Variants in CADM2 observed in about 807,000 individuals in gnomAD.
CADM2 encodes the protein cell adhesion molecule 2.
A neutral mutation model predicts 49.8 loss-of-function variants in CADM2; 12 were observed. The ratio of observed to expected loss-of-function variants is 0.24; its 90% CI spans 0.15 to 0.39. The LOEUF (loss-of-function observed/expected upper bound fraction) is 0.39. Among genes scored for constraint, CADM2 ranks in the 10% least tolerant of loss-of-function variants. The pLI is 1.00. For missense variants in CADM2, 378 were observed against 492.3 expected (o/e 0.77, Z 2.20); for synonymous variants, 214 against 175.4 (o/e 1.22, Z -1.74).
chr3:85,215,855 G>A (rs2041912938), intron 1 of CADM2, among the ~76,000 whole-genome samples: 1 of 152,062 alleles, frequency 6.6e-6, no homozygotes, highest in Non-Finnish European at 1.5e-5. Context: ...GGGCAACACT[G>A]AGTTGTGCTG....
intron 1 of CADM2, among the ~76,000 whole-genome samples, chr3:85,408,101 G>A (rs1457495499): frequency 6.6e-6 from 1 of 150,574 alleles, no homozygotes; most frequent in Admixed American, 6.6e-5. Context: ...GAATTGAAGT[G>A]TGAAACTGAA....
At chr3:85,782,978 A>G (rs145442688) in intron 2 of CADM2, among the ~76,000 whole-genome samples, 17 of 152,292 alleles carry the variant, frequency 1.1e-4, no homozygotes, top group Admixed American at 4.6e-4. Context: ...AAACAGTGCA[A>G]AACTTAAGTT....
intron 3 of CADM2, among the ~76,000 whole-genome samples, chr3:85,816,983 T>A (rs565588923): frequency 6.6e-6 from 1 of 152,334 alleles, no homozygotes; most frequent in Non-Finnish European, 1.5e-5. Flanking sequence ...TAAATAAATA[T>A]TTGTAATGTG....
intron 7 of CADM2, among the ~76,000 whole-genome samples, chr3:85,946,466 C>A (rs535698158): frequency 1.3e-5 from 2 of 151,836 alleles, no homozygotes; most frequent in African/African-American, 2.4e-5. Context: ...GAGCCCGCAT[C>A]GCCAAGTCAA....
chr3:85,474,318 G>A (rs1437371650), intron 1 of CADM2, among the ~76,000 whole-genome samples: 1 of 151,844 alleles, frequency 6.6e-6, no homozygotes, highest in African/African-American at 2.4e-5. Context: ...AGAGTCTCTT[G>A]GCGGAAGTCC....
intron 1 of CADM2, among the ~76,000 whole-genome samples, chr3:85,181,781 C>G (rs957051656): frequency 6.7e-6 from 1 of 150,314 alleles, no homozygotes; most frequent in Admixed American, 6.6e-5. Context: ...CTTATTATAC[C>G]TTATTGTTAT....
At chr3:85,506,721 T>C (rs904288081) in intron 1 of CADM2, among the ~76,000 whole-genome samples, 2 of 152,182 alleles carry the variant, frequency 1.3e-5, no homozygotes, top group African/African-American at 4.8e-5. Flanking sequence ...CTCCTCAGTC[T>C]GTTTGGCCTT....
chr3:85,812,483 A>T (rs1241304396), intron 3 of CADM2, among the ~76,000 whole-genome samples: 3 of 152,144 alleles, frequency 2.0e-5, no homozygotes, highest in Non-Finnish European at 4.4e-5. Context: ...TAGACTTTTA[A>T]TCAGGATCAG....
At chr3:85,357,036 A>T (rs1220532116) in intron 1 of CADM2, among the ~76,000 whole-genome samples, 1 of 152,094 alleles carries the variant, frequency 6.6e-6, no homozygotes, top group East Asian at 1.9e-4. Flanking sequence ...TTTATTTTTA[A>T]TTTTATATTT....
rs908904888 is a variant in CADM2, at chr3:86,071,503, A to C, written c.*4720A>C. 6.6e-6 allele frequency: 1 copy of C among 151,946 alleles called. No individual in the cohort carries two copies. The highest frequency in any genetic ancestry group is 2.4e-5 in the African/African-American group (1 of 41,454). 9.4% of individuals were successfully genotyped at this position (151,946 alleles called of 1,614,324 possible). ...TGAGATTATTAATATTGAATGCAATAGTTATTGGATATAGCTGGTAAGTTC... is the reference window on the plus strand; with the variant it reads ...TGAGATTATTAATATTGAATGCAATCGTTATTGGATATAGCTGGTAAGTTC... On this transcript the variant is annotated 3_prime_UTR_variant, in exon 10 of 10. Transcript: ENST00000383699.
At chr3:85,819,708 G>A (rs1202835093) in intron 3 of CADM2, among the ~76,000 whole-genome samples, 1 of 152,052 alleles carries the variant, frequency 6.6e-6, no homozygotes, top group Non-Finnish European at 1.5e-5. Context: ...ATTACAGTTT[G>A]ATGTTATATG....
intron 1 of CADM2, among the ~76,000 whole-genome samples, chr3:85,363,707 A>G (rs958043341): frequency 4.6e-5 from 7 of 151,976 alleles, no homozygotes; most frequent in Non-Finnish European, 1.0e-4. Flanking sequence ...CGCCTTCTGG[A>G]TTCACGCCAT....
chr3:85,864,759 C>T (rs2075661862), intron 3 of CADM2, among the ~76,000 whole-genome samples: 1 of 152,190 alleles, frequency 6.6e-6, no homozygotes, highest in South Asian at 2.1e-4. Context: ...TCGTTTATCA[C>T]TGGAAGCATC....
At chr3:85,830,407 A>T (rs1459127862) in intron 3 of CADM2, among the ~76,000 whole-genome samples, 4 of 151,918 alleles carry the variant, frequency 2.6e-5, no homozygotes, top group African/African-American at 9.7e-5. Context: ...TGAGTTCCTG[A>T]TACAATATGG....
intron 1 of CADM2, among the ~76,000 whole-genome samples, chr3:85,405,249 C>T (rs1034843738): frequency 6.6e-6 from 1 of 152,104 alleles, no homozygotes; most frequent in Non-Finnish European, 1.5e-5. Flanking sequence ...TATCCTAGAA[C>T]AGTTTTGATG....
At chr3:85,402,434 C>T (rs1279935843) in intron 1 of CADM2, among the ~76,000 whole-genome samples, 1 of 151,958 alleles carries the variant, frequency 6.6e-6, no homozygotes, top group Non-Finnish European at 1.5e-5. Context: ...TTAGTTACAT[C>T]CTGTATAAAT....
intron 3 of CADM2, among the ~76,000 whole-genome samples, chr3:85,871,109 A>C (rs1577524809): frequency 6.6e-6 from 1 of 152,362 alleles, no homozygotes; most frequent in East Asian, 1.9e-4. Context: ...GACAACCTAC[A>C]GAATGGGATA....
chr3:85,316,890 G>A (rs761840102), intron 1 of CADM2, among the ~76,000 whole-genome samples: 1 of 152,116 alleles, frequency 6.6e-6, no homozygotes, highest in African/African-American at 2.4e-5. Flanking sequence ...GATGCGAAGG[G>A]CACAGTGGTT....
At chr3:85,494,171 A>C (rs1217971241) in intron 1 of CADM2, among the ~76,000 whole-genome samples, 1 of 152,126 alleles carries the variant, frequency 6.6e-6, no homozygotes, top group East Asian at 1.9e-4. Context: ...ATTTTTGTAA[A>C]AATTTAAAAA....
Sources: gnomAD v4.1 joint callset for allele counts (sites outside exome capture counted in the v4.1 genomes callset) on GRCh38, gnomAD v4.1.1 for gene constraint, MANE v1.5 for transcripts, NCBI Gene and HGNC (gene_info 2026-07-23, HGNC 2026-07-21) for gene names.